The following ARHGAP20 variants were observed in gnomAD, a reference collection of about 807,000 sequenced individuals.
ARHGAP20 encodes rho GTPase-activating protein 20.
ARHGAP20 carries 34 observed loss-of-function variants against 73.7 expected under a neutral mutation model. The observed-to-expected ratio is 0.46, with a 90% confidence interval of 0.35 to 0.61. The LOEUF (loss-of-function observed/expected upper bound fraction) is 0.61. Ranked by LOEUF, ARHGAP20 falls within the 20% of genes least tolerant of loss-of-function variation. The pLI is 0.00. For synonymous variants in ARHGAP20, 523 were observed against 518.2 expected (o/e 1.01, Z -0.13); for missense variants, 1,314 against 1,420.9 (o/e 0.92, Z 1.21).
chr11:110,580,826 C>G lies in ARHGAP20; in HGVS notation c.2120G>C (p.Ser707Thr). The G allele has an allele frequency of 1.2e-6, 2 of 1,613,384 alleles. No homozygotes were observed. Among genetic ancestry groups the G allele is most frequent in the Non-Finnish European group, 1.7e-6 (2 of 1,179,758 alleles). Reference sequence around the variant, plus strand: ...AAGCTTTGAATCCAGATAGTCGATGCTGGGCTCTGAGCAACGCCGGTGTCG... The same window carrying G: ...AAGCTTTGAATCCAGATAGTCGATGGTGGGCTCTGAGCAACGCCGGTGTCG... ...LRRHRRCSEP[S>T]IDYLDSKLSY... Residue 707 changes from serine (S) to threonine (T), a missense_variant, in exon 15 of 15, where the codon AGC (serine) becomes ACC (threonine). Transcript: ENST00000683387.
chr11:110,667,880 T>C (rs1949755851), intron 2 of ARHGAP20, among the ~76,000 whole-genome samples: 1 of 152,214 alleles, frequency 6.6e-6, no homozygotes, highest in Non-Finnish European at 1.5e-5. Flanking sequence ...AGCCAGAAGA[T>C]GTGACTGAAT....
At chr11:110,700,606 T>C (rs544855473) in intron 1 of ARHGAP20, among the ~76,000 whole-genome samples, 1 of 151,946 alleles carries the variant, frequency 6.6e-6, no homozygotes, top group Non-Finnish European at 1.5e-5. Context: ...ATTATTATTA[T>C]ACTTTAAGTT....
At chr11:110,662,051 G>A (rs554991345) in intron 2 of ARHGAP20, among the ~76,000 whole-genome samples, 9 of 152,048 alleles carry the variant, frequency 5.9e-5, no homozygotes, top group Admixed American at 6.5e-5. Context: ...GTATCTCTAT[G>A]TACTGGTAAG....
At chr11:110,602,237 CTTA>C (rs1034807783) in intron 9 of ARHGAP20, among the ~76,000 whole-genome samples, 1 of 151,264 alleles carries the variant, frequency 6.6e-6, no homozygotes, top group African/African-American at 2.4e-5. Context: ...TTTTTTATTA[CTTA>C]TTATGTAAAA....
chr11:110,687,920 C>G (rs751504514), intron 2 of ARHGAP20, among the ~76,000 whole-genome samples: 1 of 151,810 alleles, frequency 6.6e-6, no homozygotes, highest in African/African-American at 2.4e-5. Context: ...AAAATGAAGC[C>G]CAGTAATTTT....
At chr11:110,625,241 G>C (rs971916646) in intron 3 of ARHGAP20, among the ~76,000 whole-genome samples, 3 of 151,092 alleles carry the variant, frequency 2.0e-5, no homozygotes, top group African/African-American at 7.3e-5. Flanking sequence ...GTTTCACCTT[G>C]TTAGCCAGGA....
intron 4 of ARHGAP20, among the ~76,000 whole-genome samples, chr11:110,622,001 G>A (rs1948639336): frequency 6.6e-6 from 1 of 152,192 alleles, no homozygotes. Flanking sequence ...TCTGTCTCAT[G>A]CATGTGGGGT....
chr11:110,658,762 C>A (rs577808775), intron 2 of ARHGAP20, among the ~76,000 whole-genome samples: 2 of 143,086 alleles, frequency 1.4e-5, no homozygotes, highest in Non-Finnish European at 3.1e-5. Flanking sequence ...CATCCAAGTA[C>A]TCAGGTTGTT....
intron 2 of ARHGAP20, among the ~76,000 whole-genome samples, chr11:110,649,343 A>T (rs149572487): frequency 6.6e-6 from 1 of 151,426 alleles, no homozygotes; most frequent in Admixed American, 6.6e-5. Context: ...CCCAACCAAC[A>T]TCTTTCATTT....
intron 2 of ARHGAP20, among the ~76,000 whole-genome samples, chr11:110,643,516 G>A (rs111333020): frequency 2.6e-5 from 4 of 151,964 alleles, no homozygotes; most frequent in East Asian, 1.9e-4. Flanking sequence ...CCTTAATTTC[G>A]TTGTTTAACC....
intron 2 of ARHGAP20, among the ~76,000 whole-genome samples, chr11:110,676,724 C>T (rs927222736): frequency 6.6e-6 from 1 of 151,964 alleles, no homozygotes; most frequent in Admixed American, 6.6e-5. Flanking sequence ...CCAAAATGTA[C>T]ATACATTAAT....
intron 6 of ARHGAP20, 43 bp downstream of exon 6, chr11:110,614,518 T>C: frequency 6.5e-7 from 1 of 1,536,826 alleles, no homozygotes; most frequent in Non-Finnish European, 9.0e-7. Flanking sequence ...TTCTGTCTTA[T>C]GCAGGGACTT....
intron 2 of ARHGAP20, among the ~76,000 whole-genome samples, chr11:110,682,180 C>T (rs1179165572): frequency 6.6e-6 from 1 of 152,138 alleles, no homozygotes; most frequent in East Asian, 1.9e-4. Context: ...TTTTTAATTT[C>T]CCATCTGCTA....
chr11:110,598,381 A>C (rs1948026404), intron 9 of ARHGAP20, among the ~76,000 whole-genome samples: 1 of 152,162 alleles, frequency 6.6e-6, no homozygotes. Context: ...TTCAGACTAC[A>C]CTCAGAAAGA....
Position 110,630,539 on chromosome 11 carries a change from T to C in ARHGAP20, c.353+89A>G, listed in dbSNP as rs1051824099. ...TACCTATAGTAACAAAGGCAAGACA[T>C]TCTTACAGTAAGCATTGAGTAGAAA... is the stretch of plus-strand genomic sequence containing the variant. On this transcript the variant is annotated intron_variant, in intron 3 of 14. Coordinates refer to ENST00000683387, the MANE Select transcript of ARHGAP20 (RefSeq NM_001384657.1). 83 of 1,330,490 alleles carry C rather than the reference T, an allele frequency of 6.2e-5. No individual in the cohort carries two copies. The African/African-American group carries it at 8.7e-4, about 14-fold the overall frequency. The allele number at this position is 1,330,490 out of a possible 1,614,324, so 82.4% of individuals were successfully genotyped here.
At chr11:110,706,144 G>A (rs896813877) in intron 1 of ARHGAP20, among the ~76,000 whole-genome samples, 2 of 152,010 alleles carry the variant, frequency 1.3e-5, no homozygotes, top group African/African-American at 4.8e-5. Context: ...TTGAGAAAAG[G>A]CCCTCAACTG....
chr11:110,645,684 C>A (rs1005574343), intron 2 of ARHGAP20, among the ~76,000 whole-genome samples: 1 of 152,138 alleles, frequency 6.6e-6, no homozygotes, highest in Non-Finnish European at 1.5e-5. Flanking sequence ...ATGTTCATTG[C>A]AGCACTACTC....
Position 110,586,318 on chromosome 11 carries a change from A to G in ARHGAP20, c.1313T>C (p.Leu438Pro). The change falls in exon 12 of 15, where the codon CTG becomes CCG. Residue 438 changes from leucine to proline, a missense_variant. Leu to Pro is a moderately conservative substitution (Grantham distance 98). Transcript: ENST00000683387. The part of the protein sequence containing the change: ...FVIASVLKDF[L>P]RNIPGSIFSS... ...AAAAATACTTCCTGGAATATTTCGC[A>G]GAAAATCCTTAAATAGATGGAAAAA... is the stretch of plus-strand genomic sequence containing the variant. 6.4e-7 allele frequency: 1 copy of G among 1,570,292 alleles called. No individual in the cohort carries two copies. Among genetic ancestry groups the G allele is most frequent in the Admixed American group, 1.8e-5 (1 of 54,910 alleles).
chr11:110,650,417 T>G (rs1340237805), intron 2 of ARHGAP20, among the ~76,000 whole-genome samples: 2 of 152,118 alleles, frequency 1.3e-5, no homozygotes, highest in African/African-American at 4.8e-5. Context: ...TTAATTAGAG[T>G]AGAGTGGGGA....
Sources: gnomAD v4.1 joint callset for allele counts (sites outside exome capture counted in the v4.1 genomes callset) on GRCh38, gnomAD v4.1.1 for gene constraint, MANE v1.5 for transcripts, NCBI Gene and HGNC (gene_info 2026-07-23, HGNC 2026-07-21) for gene names.